The following SAMMSON variants were observed in gnomAD, a reference collection of about 807,000 sequenced individuals.
SAMMSON encodes survival associated mitochondrial melanoma specific oncogenic non-coding RNA.
chr3:70,021,901 A>G (rs992570613), intron 3 of SAMMSON, among the ~76,000 whole-genome samples: 3 of 152,072 alleles, frequency 2.0e-5, no homozygotes, highest in African/African-American at 7.2e-5. Flanking sequence ...TTTAATAATT[A>G]TTTTCAAAGA....
chr3:70,236,840 C>T (rs921832650), intron 4 of SAMMSON, among the ~76,000 whole-genome samples: 3 of 152,118 alleles, frequency 2.0e-5, no homozygotes, highest in Non-Finnish European at 2.9e-5. Context: ...AAGTGATTCT[C>T]CCTGCCTCAG....
chr3:70,295,473 T>C (rs1019122941), intron 7 of SAMMSON, among the ~76,000 whole-genome samples: 2 of 151,836 alleles, frequency 1.3e-5, no homozygotes, highest in Admixed American at 6.6e-5. Flanking sequence ...GGAGGCCGAG[T>C]GAGATAATCA....
intron 7 of SAMMSON, among the ~76,000 whole-genome samples, chr3:70,353,131 G>A (rs2106735861): frequency 6.6e-6 from 1 of 151,766 alleles, no homozygotes; most frequent in East Asian, 1.9e-4. Flanking sequence ...ATTTAAAACT[G>A]GGCAAAAAAT....
intron 6 of SAMMSON, among the ~76,000 whole-genome samples, chr3:70,279,319 G>A (rs1362433985): frequency 1.3e-5 from 2 of 152,046 alleles, no homozygotes; most frequent in Non-Finnish European, 2.9e-5. Context: ...AACACATATG[G>A]AGTGGGTGAT....
intron 4 of SAMMSON, among the ~76,000 whole-genome samples, chr3:70,170,418 G>A (rs573335189): frequency 6.6e-6 from 1 of 151,676 alleles, no homozygotes; most frequent in East Asian, 1.9e-4. Context: ...TAATTTTTTT[G>A]TCTCTTTTAA....
At chr3:70,069,994 A>G (rs990546983) in intron 3 of SAMMSON, 2 of 152,098 alleles carry the variant, frequency 1.3e-5, no homozygotes, top group Non-Finnish European at 2.9e-5. Flanking sequence ...TGAAGGATGT[A>G]TTTTTGAACC....
At chr3:70,281,488 C>T (rs1237608035) in intron 6 of SAMMSON, among the ~76,000 whole-genome samples, 2 of 152,162 alleles carry the variant, frequency 1.3e-5, no homozygotes, top group African/African-American at 4.8e-5. Flanking sequence ...CTCTGACATG[C>T]ATTTTCCTTA....
chr3:70,276,422 C>T (rs1702026977), intron 6 of SAMMSON, among the ~76,000 whole-genome samples: 1 of 151,980 alleles, frequency 6.6e-6, no homozygotes, highest in African/African-American at 2.4e-5. Context: ...TAACAAATAC[C>T]CATAACAAAT....
intron 7 of SAMMSON, among the ~76,000 whole-genome samples, chr3:70,335,692 C>T (rs1702655260): frequency 6.6e-6 from 1 of 151,960 alleles, no homozygotes; most frequent in Non-Finnish European, 1.5e-5. Context: ...GGGTTCATAT[C>T]ATGCTTGCGA....
chr3:70,158,542 C>CTTTT (rs559853519), intron 4 of SAMMSON, among the ~76,000 whole-genome samples: 1 of 141,552 alleles, frequency 7.1e-6, no homozygotes, highest in Non-Finnish European at 1.5e-5. Flanking sequence ...TGGGTGGACA[C>CTTTT]TTTTTTTTTT....
At chr3:70,392,073 C>A (rs1701053587), downstream of SAMMSON, among the ~76,000 whole-genome samples, 1 of 152,104 alleles carries the variant, frequency 6.6e-6, no homozygotes, top group South Asian at 2.1e-4. Context: ...CCCGCCTAGC[C>A]CTAGACTAAT....
intron 9 of SAMMSON, among the ~76,000 whole-genome samples, chr3:70,371,296 G>A (rs994897688): frequency 4.6e-5 from 7 of 151,794 alleles, no homozygotes; most frequent in Middle Eastern, 3.2e-3. Context: ...TGACTATTCC[G>A]GCTCTTTTTT....
At chr3:70,328,581 A>G (rs1215015555) in intron 7 of SAMMSON, among the ~76,000 whole-genome samples, 2 of 152,164 alleles carry the variant, frequency 1.3e-5, no homozygotes, top group African/African-American at 4.8e-5. Flanking sequence ...AGAAGAAAAT[A>G]TGAGTGACCC....
chr3:70,389,363 G>T (rs943228502), intron 9 of SAMMSON, among the ~76,000 whole-genome samples: 2 of 152,056 alleles, frequency 1.3e-5, no homozygotes, highest in Non-Finnish European at 1.5e-5. Flanking sequence ...CAAAAACTCA[G>T]TTTAAAATAA....
At chr3:70,098,618 C>T (rs142427539) in intron 4 of SAMMSON, among the ~76,000 whole-genome samples, 1 of 152,228 alleles carries the variant, frequency 6.6e-6, no homozygotes, top group African/African-American at 2.4e-5. Flanking sequence ...CCACCCGCCT[C>T]GGCCTCCCAA....
chr3:70,051,545 T>G (rs999571040), intron 3 of SAMMSON, among the ~76,000 whole-genome samples: 1 of 151,202 alleles, frequency 6.6e-6, no homozygotes, highest in Non-Finnish European at 1.5e-5. Context: ...TTCTGTGCTG[T>G]TAAAAGGGTT....
At chr3:70,101,432 G>A (rs1399653611) in intron 4 of SAMMSON, among the ~76,000 whole-genome samples, 1 of 151,904 alleles carries the variant, frequency 6.6e-6, no homozygotes, top group African/African-American at 2.4e-5. Flanking sequence ...ATTATAAGAG[G>A]CATAATTATT....
At chr3:70,252,635 G>C (rs1408542129) in intron 6 of SAMMSON, among the ~76,000 whole-genome samples, 1 of 152,168 alleles carries the variant, frequency 6.6e-6, no homozygotes, top group Non-Finnish European at 1.5e-5. Flanking sequence ...TTTATAGGAG[G>C]TAACTATTTG....
chr3:70,018,588 C>G (rs1394755598), intron 3 of SAMMSON, among the ~76,000 whole-genome samples: 1 of 152,080 alleles, frequency 6.6e-6, no homozygotes, highest in African/African-American at 2.4e-5. Context: ...CCCTTCAGTT[C>G]TGCTCTGGTT....
Sources: gnomAD v4.1 joint callset for allele counts (sites outside exome capture counted in the v4.1 genomes callset) on GRCh38, gnomAD v4.1.1 for gene constraint, MANE v1.5 for transcripts, NCBI Gene and HGNC (gene_info 2026-07-23, HGNC 2026-07-21) for gene names.